The following FRMD4B variants were observed in gnomAD, a reference collection of about 807,000 sequenced individuals.
FRMD4B encodes FERM domain containing 4B.
A neutral mutation model predicts 141.5 loss-of-function variants in FRMD4B; 74 were observed. The observed-to-expected ratio is 0.52, with a 90% confidence interval of 0.43 to 0.63. The LOEUF is 0.63. Among genes scored for constraint, FRMD4B ranks in the 30% least tolerant of loss-of-function variants. The pLI is 0.00. For missense variants in FRMD4B, 1,366 were observed against 1,253.4 expected (o/e 1.09, Z -1.36); for synonymous variants, 506 against 467.9 (o/e 1.08, Z -1.05).
At chr3:69,336,103 C>CT (rs1429634594) in intron 1 of FRMD4B, among the ~76,000 whole-genome samples, 1 of 118,140 alleles carries the variant, frequency 8.5e-6, no homozygotes, top group Non-Finnish European at 1.9e-5. Flanking sequence ...TATAACTTCC[C>CT]TTGGGGGGTG....
At chr3:69,212,977 G>GT (rs11380237) in intron 11 of FRMD4B, among the ~76,000 whole-genome samples, 5,342 of 152,076 alleles carry the variant, frequency 0.035, 231 homozygotes, top group African/African-American at 0.086. Context: ...GTTTGACTGG[G>GT]TTTTTTTATT....
intron 11 of FRMD4B, among the ~76,000 whole-genome samples, chr3:69,202,486 A>G (rs1327119839): frequency 6.6e-6 from 1 of 152,024 alleles, no homozygotes; most frequent in Non-Finnish European, 1.5e-5. Flanking sequence ...ACTTAAAAAA[A>G]AAAAAAAAAA....
At chr3:69,523,138 T>G (rs1281516334) in intron 1 of FRMD4B, among the ~76,000 whole-genome samples, 1 of 146,540 alleles carries the variant, frequency 6.8e-6, no homozygotes, top group Non-Finnish European at 1.5e-5. Flanking sequence ...AAAAAACAAC[T>G]AGAGAAAAAT....
At chr3:69,332,742 ATTTTTTTT>A (rs58437578) in intron 1 of FRMD4B, among the ~76,000 whole-genome samples, 1,494 of 67,606 alleles carry the variant, frequency 0.022, 13 homozygotes, top group Non-Finnish European at 0.03. Flanking sequence ...ACACCTGGCT[ATTTTTTTT>A]TTTTTTTTTT....
At chr3:69,194,996 G>T (rs1048474396) in intron 16 of FRMD4B, 26 bp downstream of exon 16, 1 of 1,602,410 alleles carries the variant, frequency 6.2e-7, no homozygotes, top group South Asian at 1.1e-5. Context: ...ATGATTAATT[G>T]AAAGGCTCAG....
rs186893377 is a variant in FRMD4B at position 69,384,385 on chromosome 3, G to A, written c.162+1443C>T. On this transcript the variant is annotated intron_variant, in intron 1 of 22. Transcript: ENST00000398540. ...CACTCTGGTTGGCTACAATATTTGC[G>A]TTCCCTTTTTGAAAGTTTCTCAAAC... is the stretch of plus-strand genomic sequence containing the variant. Among the ~76,000 whole-genome samples, 47 of 152,228 alleles carry A rather than the reference G, an allele frequency of 3.1e-4. No individual in the cohort carries two copies. In the South Asian group the frequency reaches 5.0e-3, roughly 16 times the overall value.
intron 1 of FRMD4B, among the ~76,000 whole-genome samples, chr3:69,361,539 T>C (rs780710643): frequency 6.6e-6 from 1 of 152,238 alleles, no homozygotes; most frequent in Non-Finnish European, 1.5e-5. Flanking sequence ...CTATTCAGAT[T>C]TCTATCACAA....
chr3:69,350,377 G>C (rs570743573), intron 1 of FRMD4B, among the ~76,000 whole-genome samples: 33 of 152,290 alleles, frequency 2.2e-4, no homozygotes, highest in African/African-American at 7.7e-4. Flanking sequence ...CTGTTGGTGG[G>C]ACTGTAAACT....
intron 1 of FRMD4B, among the ~76,000 whole-genome samples, chr3:69,523,707 A>G (rs1032871745): frequency 6.6e-6 from 1 of 152,170 alleles, no homozygotes; most frequent in Admixed American, 6.5e-5. Context: ...TACCACCCTA[A>G]CTAAGATTGG....
intron 1 of FRMD4B, among the ~76,000 whole-genome samples, chr3:69,487,384 T>A (rs1467709560): frequency 6.6e-6 from 1 of 152,204 alleles, no homozygotes; most frequent in Non-Finnish European, 1.5e-5. Flanking sequence ...AAATATTAGC[T>A]AAGAAATTTG....
chr3:69,262,616 C>T (rs1357457202), intron 5 of FRMD4B, among the ~76,000 whole-genome samples: 9 of 151,548 alleles, frequency 5.9e-5, no homozygotes, highest in Non-Finnish European at 1.2e-4. Flanking sequence ...TGTGCCACCG[C>T]GCCTGGCTAA....
At chr3:69,505,412 G>A (rs1246249311) in intron 1 of FRMD4B, among the ~76,000 whole-genome samples, 1 of 151,838 alleles carries the variant, frequency 6.6e-6, no homozygotes. Flanking sequence ...GGAAACAAAA[G>A]GAAATAAACA....
At chr3:69,383,707 A>G (rs1448125713) in intron 1 of FRMD4B, among the ~76,000 whole-genome samples, 2 of 152,046 alleles carry the variant, frequency 1.3e-5, no homozygotes, top group Non-Finnish European at 2.9e-5. Flanking sequence ...CCACAGGTTC[A>G]TGACGCTATA....
At chr3:69,244,102 C>T (rs1188745958) in intron 7 of FRMD4B, among the ~76,000 whole-genome samples, 2 of 151,656 alleles carry the variant, frequency 1.3e-5, no homozygotes, top group Admixed American at 6.6e-5. Flanking sequence ...ACACATAATT[C>T]ACACACACAC....
chr3:69,497,627 A>G (rs549475104), intron 1 of FRMD4B, among the ~76,000 whole-genome samples: 2 of 152,214 alleles, frequency 1.3e-5, no homozygotes, highest in Non-Finnish European at 2.9e-5. Flanking sequence ...TTGTGTATAC[A>G]GAGTGAAACA....
intron 1 of FRMD4B, among the ~76,000 whole-genome samples, chr3:69,438,981 C>T (rs1043889036): frequency 1.6e-4 from 25 of 152,060 alleles, no homozygotes; most frequent in African/African-American, 5.6e-4. Flanking sequence ...TTAATTTCTC[C>T]AGTCCAATTC....
chr3:69,187,815 C>G lies in FRMD4B; in HGVS notation c.1874G>C (p.Arg625Thr). The part of the protein sequence containing the change: ...KSLGIERIHF[R>T]KSSINEQFVD... The stretch of plus-strand genomic sequence containing the variant: ...AAACTGTTCATTGATGGACGACTTT[C>G]TGAAATGGATTCGCTCAATACCAAG... Residue 625 changes from arginine (R) to threonine (T), a missense_variant, in exon 19 of 23, where the codon AGA (arginine) becomes ACA (threonine). Coordinates refer to ENST00000398540, the MANE Select transcript of FRMD4B (RefSeq NM_015123.3). The G allele has an allele frequency of 1.2e-6, 2 of 1,612,392 alleles. No homozygotes were observed. Among genetic ancestry groups the G allele is most frequent in the Non-Finnish European group, 1.7e-6 (2 of 1,178,836 alleles).
chr3:69,476,203 T>A (rs1451894864), intron 1 of FRMD4B, among the ~76,000 whole-genome samples: 1 of 151,730 alleles, frequency 6.6e-6, no homozygotes, highest in African/African-American at 2.4e-5. Flanking sequence ...AGCTCTTTAG[T>A]TTAATTAGAT....
intron 11 of FRMD4B, among the ~76,000 whole-genome samples, chr3:69,209,422 A>G (rs911963484): frequency 6.6e-6 from 1 of 152,232 alleles, no homozygotes; most frequent in African/African-American, 2.4e-5. Flanking sequence ...AAATTAAAGT[A>G]TGGTGTGGAG....
Sources: gnomAD v4.1 joint callset for allele counts (sites outside exome capture counted in the v4.1 genomes callset) on GRCh38, gnomAD v4.1.1 for gene constraint, MANE v1.5 for transcripts, NCBI Gene and HGNC (gene_info 2026-07-23, HGNC 2026-07-21) for gene names.